The following ASB14 variants were observed in gnomAD, a reference collection of about 807,000 sequenced individuals.
ASB14 encodes the protein ankyrin repeat and SOCS box containing 14, also known as ankyrin repeat and SOCS box protein 14.
In ASB14, 63 loss-of-function variants were observed where a neutral mutation model predicts 55.6. The observed-to-expected ratio is 1.13, with a 90% CI of 0.92 to 1.40. The LOEUF (loss-of-function observed/expected upper bound fraction) is 1.40. ASB14 is among the 40% of genes most tolerant of loss of function. The pLI is 0.00. For missense variants in ASB14, 724 were observed against 710.4 expected (o/e 1.02, Z -0.22); for synonymous variants, 256 against 259.9 (o/e 0.98, Z 0.15).
intron 10 of ASB14, chr3:57,270,275 G>T (rs577271976): frequency 6.6e-6 from 1 of 152,632 alleles, no homozygotes; most frequent in Non-Finnish European, 1.5e-5. Context: ...TACTTTCTGG[G>T]ATTGCTCACA....
chr3:57,288,363 C>G, intron 3 of ASB14, 77 bp from the exon 4 acceptor site: 1 of 1,426,602 alleles, frequency 7.0e-7, no homozygotes, highest in Non-Finnish European at 9.5e-7. Context: ...CTGAATTCTA[C>G]CACCAAAGTT....
chr3:57,273,988 G>A (rs911512881), intron 10 of ASB14, among the ~76,000 whole-genome samples: 14 of 152,032 alleles, frequency 9.2e-5, no homozygotes, highest in African/African-American at 2.4e-5. Context: ...TGCATGTATA[G>A]CCTAAATATA....
chr3:57,271,198 G>A (rs2060936462), intron 10 of ASB14: 1 of 150,334 alleles, frequency 6.7e-6, no homozygotes, highest in East Asian at 1.9e-4. Context: ...TCTGTTTTAG[G>A]TCTCAAAATA....
At chr3:57,291,682 C>T (rs1482990717) in intron 2 of ASB14, among the ~76,000 whole-genome samples, 3 of 152,172 alleles carry the variant, frequency 2.0e-5, no homozygotes, top group Admixed American at 6.5e-5. Context: ...TATCACCTCA[C>T]CCAGATTTGC....
chr3:57,288,941 C>T (rs2061104528), intron 3 of ASB14, 127 bp downstream of exon 3: 2 of 648,620 alleles, frequency 3.1e-6, no homozygotes, highest in Non-Finnish European at 5.1e-6. Context: ...TGGTCTCGAA[C>T]TCCTGACCTC....
At chr3:57,273,837 ATAGTTTCTT>A (rs1221612525) in intron 10 of ASB14, among the ~76,000 whole-genome samples, 1 of 152,160 alleles carries the variant, frequency 6.6e-6, no homozygotes, top group Non-Finnish European at 1.5e-5. Flanking sequence ...TGTGCTCTTT[ATAGTTTCTT>A]ATGTCAATTA....
chr3:57,281,746 G>GCA (rs1196390816), intron 6 of ASB14, among the ~76,000 whole-genome samples: 1 of 152,116 alleles, frequency 6.6e-6, no homozygotes, highest in Non-Finnish European at 1.5e-5. Flanking sequence ...CCCCAAAGAT[G>GCA]CACACCTAGT....
At chr3:57,279,027 C>T in intron 7 of ASB14, 107 bp from the exon 8 acceptor site, 1 of 1,037,876 alleles carries the variant, frequency 9.6e-7, no homozygotes, top group Non-Finnish European at 1.4e-6. Flanking sequence ...ATTCAGGGGG[C>T]ATTTAGAACC....
In ASB14 at chr3:57,278,436, T is replaced by C. The variant is rs766662101; in HGVS notation, c.1372A>G (p.Lys458Glu). The change falls in exon 8 of 11, where the codon AAA (lysine) becomes GAA (glutamate). Residue 458 changes from lysine (K) to glutamate (E), a missense_variant. Transcript: ENST00000487349. ...TCAACAGTATAGGAAGGATGGACTT[T>C]GTCTCCATGTGGGCAATCAAAACAT... is the stretch of plus-strand genomic sequence containing the variant. ...ERCFDCPHGDKVHPSYTVEGW... is the reference protein window; with the variant it reads ...ERCFDCPHGDEVHPSYTVEGW... 15 of 1,614,120 alleles carry C rather than the reference T, an allele frequency of 9.3e-6. No individual in the cohort carries two copies. The highest frequency in any genetic ancestry group is 1.6e-4 in the Middle Eastern group (1 of 6,084).
Position 57,289,066 on chromosome 3 carries a change from AACTTT to A in ASB14, c.175_178+1del, listed in dbSNP as rs2061107120. 5.3e-6 allele frequency: 8 copies of A among 1,520,042 alleles called. No homozygotes were observed. In the East Asian group the frequency reaches 2.0e-4, roughly 37 times the overall value. The allele number at this position is 1,520,042 out of a possible 1,614,324, so 94.2% of individuals were successfully genotyped here. A position where few individuals can be genotyped will look rare whatever the true frequency, so the allele number is the denominator to read the frequency against. On this transcript the variant is annotated splice_donor_variant and coding_sequence_variant, in exon 3 of 11. Coordinates refer to ENST00000487349, the MANE Select transcript of ASB14 (RefSeq NM_001142733.3). LOFTEE classifies it high-confidence loss of function. The stretch of plus-strand genomic sequence containing the variant: ...CAAGTTAAAGGGGATAGGAGTACTT[AACTTT>A]CTCTATTGTTTCAACTATCTTCTTA...
At chr3:57,279,042 AC>A in intron 7 of ASB14, 122 bp from the exon 8 acceptor site, 1 of 902,698 alleles carries the variant, frequency 1.1e-6, no homozygotes, top group Non-Finnish European at 1.6e-6. Context: ...AGAACCCACA[AC>A]CAAAAAAAAA....
At chr3:57,282,697 C>T (rs1180048948) in intron 6 of ASB14, among the ~76,000 whole-genome samples, 1 of 152,086 alleles carries the variant, frequency 6.6e-6, no homozygotes, top group Non-Finnish European at 1.5e-5. Flanking sequence ...TAGATAGTAC[C>T]CAATAAGTTT....
Position 57,278,787 on chromosome 3 carries a change from T to G in ASB14, c.1021A>C (p.Asn341His). The change falls in exon 8 of 11, where the codon AAC becomes CAC. Residue 341 changes from asparagine (N) to histidine (H), a missense_variant. Physicochemically the swap from Asn to His is moderately conservative, Grantham distance 68. Transcript: ENST00000487349. ...ELLIQAGFDV[N>H]FMLDQRINKH... is the part of the protein sequence containing the mutation. ...TTAATTCTCTGATCCAGCATGAAGT[T>G]CACATCAAATCCAGCCTGGATGAGG... The G allele has an allele frequency of 2.5e-6, 4 of 1,613,470 alleles. No homozygotes were observed. The highest frequency in any genetic ancestry group is 3.4e-6 in the Non-Finnish European group (4 of 1,179,718).
chr3:57,288,776 G>A (rs969797384), intron 3 of ASB14, among the ~76,000 whole-genome samples: 7 of 140,034 alleles, frequency 5.0e-5, no homozygotes, highest in East Asian at 4.9e-4. Flanking sequence ...GTGTGGTGGC[G>A]CAATCTCGGT....
rs534811326 is a variant in ASB14, at chr3:57,276,746, A to G, written c.1586-18T>C. The G allele has an allele frequency of 1.9e-6, 3 of 1,589,516 alleles. No individual in the cohort carries two copies. Among genetic ancestry groups the G allele is most frequent in the East Asian group, 2.2e-5 (1 of 44,612 alleles). ...AGGGTTTGCTAAAAAGAAAAGGCAC[A>G]TTATCCAAAGAGAAAAAGAACTTTT... On this transcript the variant is annotated intron_variant, in intron 9 of 10. Coordinates refer to ENST00000487349, the MANE Select transcript of ASB14 (RefSeq NM_001142733.3).
At chr3:57,277,124 G>T (rs1480786596) in intron 9 of ASB14, among the ~76,000 whole-genome samples, 1 of 151,960 alleles carries the variant, frequency 6.6e-6, no homozygotes, top group Non-Finnish European at 1.5e-5. Context: ...AAATTAGCTG[G>T]GCGTGGTGAC....
At chr3:57,270,554 T>C (rs189516135) in intron 10 of ASB14, 51 of 152,818 alleles carry the variant, frequency 3.3e-4, no homozygotes, top group African/African-American at 1.2e-3. Flanking sequence ...AAATAGTTTT[T>C]ATTGAAAGTC....
intron 6 of ASB14, among the ~76,000 whole-genome samples, chr3:57,280,806 C>G (rs1016271922): frequency 6.6e-6 from 1 of 151,716 alleles, no homozygotes; most frequent in Non-Finnish European, 1.5e-5. Context: ...CCACTTAACT[C>G]ATAACACACA....
intron 10 of ASB14, 87 bp from the exon 11 acceptor site, chr3:57,269,705 A>G (rs1559516845): frequency 1.2e-6 from 2 of 1,612,354 alleles, no homozygotes; most frequent in South Asian, 2.2e-5. Context: ...CTTTTGGTAG[A>G]TATTCCCCCT....
Sources: gnomAD v4.1 joint callset for allele counts (sites outside exome capture counted in the v4.1 genomes callset) on GRCh38, gnomAD v4.1.1 for gene constraint, MANE v1.5 for transcripts, NCBI Gene and HGNC (gene_info 2026-07-23, HGNC 2026-07-21) for gene names.